Variants in HCN1 observed in about 807,000 individuals in gnomAD.
HCN1 encodes potassium/sodium hyperpolarization-activated cyclic nucleotide-gated channel 1.
HCN1 carries 13 observed loss-of-function variants against 78.9 expected under a neutral mutation model. That is an observed-to-expected ratio of 0.16 (90% confidence interval 0.11 to 0.26). The LOEUF (loss-of-function observed/expected upper bound fraction) is 0.26. Ranked by LOEUF, HCN1 falls within the 10% of genes least tolerant of loss-of-function variation. The pLI, the probability that HCN1 is intolerant of heterozygous loss-of-function variation, is 1.00. For synonymous variants in HCN1, 552 were observed against 455.5 expected, an observed-to-expected ratio of 1.21 and a Z score of -2.70; for missense variants, 810 against 1,154.3, an observed-to-expected ratio of 0.70 and a Z score of 4.32.
chr5:45,333,461 T>C (rs1746388620), intron 5 of HCN1, among the ~76,000 whole-genome samples: 1 of 151,738 alleles, frequency 6.6e-6, no homozygotes, highest in Non-Finnish European at 1.5e-5. Flanking sequence ...TTGTTGTTTC[T>C]TTTAACGTCC....
intron 2 of HCN1, among the ~76,000 whole-genome samples, chr5:45,523,280 C>T (rs1057259292): frequency 6.6e-5 from 10 of 152,044 alleles, no homozygotes; most frequent in African/African-American, 2.4e-4. Flanking sequence ...TGGGTTGGTT[C>T]CCAGTCTTTG....
At chr5:45,626,830 T>C (rs1428624645) in intron 2 of HCN1, among the ~76,000 whole-genome samples, 2 of 151,776 alleles carry the variant, frequency 1.3e-5, no homozygotes, top group Non-Finnish European at 2.9e-5. Context: ...ACGCAGAGAG[T>C]TATAAGATCC....
intron 7 of HCN1, among the ~76,000 whole-genome samples, chr5:45,263,265 CG>C (rs1433427512): frequency 6.6e-6 from 1 of 151,940 alleles, no homozygotes; most frequent in African/African-American, 2.4e-5. Context: ...TTATGTAACC[CG>C]CGACCCTGTC....
At chr5:45,583,383 AT>A (rs1165969915) in intron 2 of HCN1, among the ~76,000 whole-genome samples, 6 of 151,924 alleles carry the variant, frequency 3.9e-5, no homozygotes, top group Admixed American at 1.3e-4. Context: ...CCCCTTTATC[AT>A]TTTTTATTGC....
chr5:45,370,703 C>A (rs1306287717), intron 4 of HCN1, among the ~76,000 whole-genome samples: 1 of 151,906 alleles, frequency 6.6e-6, no homozygotes, highest in Non-Finnish European at 1.5e-5. Context: ...TGCCATAAGG[C>A]CACAGAGCTA....
chr5:45,472,438 A>G (rs999128544), intron 2 of HCN1, among the ~76,000 whole-genome samples: 1 of 151,678 alleles, frequency 6.6e-6, no homozygotes, highest in African/African-American at 2.4e-5. Flanking sequence ...AATTGTATTC[A>G]CAAAACATGC....
chr5:45,257,314 C>T lies in HCN1; in HGVS notation c.*4607G>A, dbSNP rs2111830957. ...TTCACCCTGTGAGACACTCCAGCTGCATTGAACTGCCAGTGTTCCCAATCA... is the reference window on the plus strand; with the variant it reads ...TTCACCCTGTGAGACACTCCAGCTGTATTGAACTGCCAGTGTTCCCAATCA... On this transcript the variant is annotated 3_prime_UTR_variant, in exon 8 of 8. Transcript: ENST00000303230. 1 of 152,320 alleles carries T rather than the reference C, an allele frequency of 6.6e-6. No homozygotes were observed. The highest frequency in any genetic ancestry group is 2.1e-4 in the South Asian group (1 of 4,832). The allele number at this position is 152,320 out of a possible 1,614,324, so 9.4% of individuals were successfully genotyped here. A position where few individuals can be genotyped will look rare whatever the true frequency, so the allele number is the denominator to read the frequency against.
chr5:45,279,489 A>G (rs1436053977), intron 6 of HCN1, among the ~76,000 whole-genome samples: 1 of 152,188 alleles, frequency 6.6e-6, no homozygotes, highest in Non-Finnish European at 1.5e-5. Context: ...GTTACAAAAA[A>G]GCAGATTTTT....
At chr5:45,610,733 A>G (rs1744816495) in intron 2 of HCN1, among the ~76,000 whole-genome samples, 1 of 151,430 alleles carries the variant, frequency 6.6e-6, no homozygotes, top group African/African-American at 2.4e-5. Context: ...AAAATACTAG[A>G]TGGATAAAGA....
intron 1 of HCN1, among the ~76,000 whole-genome samples, chr5:45,682,585 A>T (rs1739725106): frequency 6.6e-6 from 1 of 152,060 alleles, no homozygotes; most frequent in African/African-American, 2.4e-5. Flanking sequence ...TACTCTGCTT[A>T]CTTCTAGCTT....
intron 4 of HCN1, among the ~76,000 whole-genome samples, chr5:45,390,067 C>T (rs2112034041): frequency 6.6e-6 from 1 of 152,248 alleles, no homozygotes; most frequent in Non-Finnish European, 1.5e-5. Flanking sequence ...ACCTCAGGGC[C>T]TTTGCACACT....
At chr5:45,521,191 AC>A (rs1389387575) in intron 2 of HCN1, among the ~76,000 whole-genome samples, 9 of 151,766 alleles carry the variant, frequency 5.9e-5, no homozygotes, top group Non-Finnish European at 1.5e-5. Context: ...AGTGAAACCA[AC>A]CCTCTTTGCA....
intron 2 of HCN1, among the ~76,000 whole-genome samples, chr5:45,481,846 C>T (rs1741658844): frequency 6.6e-6 from 1 of 152,052 alleles, no homozygotes; most frequent in Admixed American, 6.6e-5. Context: ...TTGTCTACTA[C>T]CAACTGTAAT....
intron 2 of HCN1, among the ~76,000 whole-genome samples, chr5:45,534,018 T>C (rs1742914092): frequency 6.6e-6 from 1 of 152,098 alleles, no homozygotes; most frequent in South Asian, 2.1e-4. Context: ...GTTTTTGAGA[T>C]TTATAAGAAA....
chr5:45,374,031 TATAC>T (rs1747516109), intron 4 of HCN1, among the ~76,000 whole-genome samples: 2 of 77,076 alleles, frequency 2.6e-5, no homozygotes, highest in East Asian at 7.8e-4. Context: ...ATATATATTA[TATAC>T]ATAATATATA....
In HCN1 at chr5:45,372,151, T is replaced by A. The variant is rs1467548867; in HGVS notation, c.1231-18905A>T. 8.9e-4 allele frequency among the ~76,000 whole-genome samples: 52 copies of A among 58,270 alleles called. No homozygotes were observed. In the East Asian group the frequency reaches 0.033, roughly 37 times the overall value. The allele number at this position is 58,270 out of a possible 152,430, so 38.2% of individuals were successfully genotyped here. A position where few individuals can be genotyped will look rare whatever the true frequency, so the allele number is the denominator to read the frequency against. ...ATATATAATATAATAATATATTATA[T>A]AATATGTTATTATATATAATTATAT... On this transcript the variant is annotated intron_variant, in intron 4 of 7. Coordinates refer to ENST00000303230, the MANE Select transcript of HCN1 (RefSeq NM_021072.4).
At chr5:45,587,177 G>T (rs1744247530) in intron 2 of HCN1, among the ~76,000 whole-genome samples, 1 of 152,160 alleles carries the variant, frequency 6.6e-6, no homozygotes, top group South Asian at 2.1e-4. Flanking sequence ...AATACCATTT[G>T]ATCCAGCCAT....
At position 45,266,579 on chromosome 5, in the gene HCN1, A is replaced by T. The variant is rs145376174; in HGVS notation, c.1783+510T>A. 1.6e-3 allele frequency among the ~76,000 whole-genome samples: 247 copies of T among 152,340 alleles called. 2 individuals carry two copies. The highest frequency in any genetic ancestry group is 5.6e-3 in the African/African-American group (232 of 41,584). ...GTTTGTTTAGCTAGCAAAAATAGAC[A>T]TTAATAAATAAACCCAGAATACTTA... On this transcript the variant is annotated intron_variant, in intron 7 of 7. Transcript: ENST00000303230.
intron 5 of HCN1, among the ~76,000 whole-genome samples, chr5:45,333,118 G>C (rs1262562255): frequency 6.6e-6 from 1 of 151,504 alleles, no homozygotes; most frequent in East Asian, 1.9e-4. Context: ...AGTGTACAAG[G>C]GTTCCCTTTT....
Sources: allele counts gnomAD v4.1 joint callset (sites outside exome capture counted in the v4.1 genomes callset), GRCh38; gene constraint gnomAD v4.1.1; transcripts MANE v1.5; gene names NCBI Gene and HGNC (gene_info 2026-07-23, HGNC 2026-07-21).